The following NOBOX variants were observed in gnomAD, a reference collection of about 807,000 sequenced individuals.
NOBOX encodes the protein NOBOX oogenesis homeobox, also known as homeobox protein NOBOX.
In NOBOX, 46 loss-of-function variants were observed where a neutral mutation model predicts 60.2. That is an observed-to-expected ratio of 0.76 (90% confidence interval 0.60 to 0.98). The LOEUF (loss-of-function observed/expected upper bound fraction) is 0.98, where lower values mean the gene tolerates loss of function less well. Ranked by LOEUF, NOBOX falls within the 50% of genes least tolerant of loss-of-function variation. The pLI is 0.00. For synonymous variants in NOBOX, 360 were observed against 346.3 expected, an observed-to-expected ratio of 1.04 and a Z score of -0.44; for missense variants, 880 against 865.5, an observed-to-expected ratio of 1.02 and a Z score of -0.21.
chr7:144,403,860 G>A (rs1484394125), intron 2 of NOBOX, among the ~76,000 whole-genome samples, 167 bp from the exon 1 acceptor site: 1 of 151,878 alleles, frequency 6.6e-6, no homozygotes, highest in Non-Finnish European at 1.5e-5. Context: ...GGCGAGGCCG[G>A]CCCGGGAGGC....
At position 144,397,261 on chromosome 7, in the gene NOBOX, G is replaced by T. The variant is rs1275325243; in HGVS notation, c.2055C>A (p.Asp685Glu). The stretch of plus-strand genomic sequence containing the variant: ...CCAACTAGGGGACATGGCTATTCTT[G>T]TCATCCCCTCTGGCCTCCTCCAGTG... The change falls in exon 10 of 10, where the codon GAC (aspartate) becomes GAA (glutamate). Residue 685 changes from aspartate (D) to glutamate (E), a missense_variant. By Grantham distance (45) the Asp-to-Glu change is conservative. Transcript: ENST00000467773. 2.0e-6 allele frequency: 3 copies of T among 1,533,354 alleles called. No homozygotes were observed. Among genetic ancestry groups the T allele is most frequent in the Non-Finnish European group, 1.7e-6 (2 of 1,143,864 alleles). 95.0% of individuals were successfully genotyped at this position (1,533,354 alleles called of 1,614,324 possible).
intron 1 of NOBOX, among the ~76,000 whole-genome samples, chr7:144,407,370 G>A (rs1219421944): frequency 6.6e-6 from 1 of 152,196 alleles, no homozygotes; most frequent in East Asian, 1.9e-4. Flanking sequence ...GACCAGAAAG[G>A]CAAGAATAAG....
intron 2 of NOBOX, among the ~76,000 whole-genome samples, chr7:144,402,955 C>A (rs2053953378): frequency 3.3e-5 from 5 of 151,978 alleles, no homozygotes. Flanking sequence ...TGGGGTTTTG[C>A]CATGTTGGCC....
chr7:144,400,111 C>G lies in NOBOX; in HGVS notation c.1046G>C (p.Trp349Ser), dbSNP rs200530938. The G allele has an allele frequency of 5.1e-5, 83 of 1,611,844 alleles. No individual in the cohort carries two copies. Among genetic ancestry groups the G allele is most frequent in the African/African-American group, 6.7e-5 (5 of 74,932 alleles). ...CTGAGGCCTCAATTCAGCTCCTACCCAGGCTACCGCTGAGCGCTCACTCTG... is the reference window on the plus strand; with the variant it reads ...CTGAGGCCTCAATTCAGCTCCTACCGAGGCTACCGCTGAGCGCTCACTCTG... Residue 349 changes from tryptophan to serine, a missense_variant and splice_region_variant, in exon 5 of 10, where the codon TGG (tryptophan) becomes TCG (serine). Physicochemically the swap from Trp to Ser is radical, Grantham distance 177 (BLOSUM62 -3). Coordinates refer to ENST00000467773, the MANE Select transcript of NOBOX (RefSeq NM_001080413.3).
chr7:144,397,409 G>T lies in NOBOX; in HGVS notation c.1907C>A (p.Ala636Asp), dbSNP rs762787878. ...AGCTGACGAAGGCTGCCTGCCCAGA[G>T]CCTGGGGGCAGGGAGTTGGAAATAG... Residue 636 changes from alanine (A) to aspartate (D), a missense_variant, in exon 10 of 10, where the codon GCT becomes GAT. Ala to Asp is a moderately radical substitution (Grantham distance 126). Coordinates refer to ENST00000467773, the MANE Select transcript of NOBOX (RefSeq NM_001080413.3). 2.7e-5 allele frequency: 42 copies of T among 1,537,156 alleles called. No homozygotes were observed. In the African/African-American group the frequency reaches 4.5e-4, roughly 17 times the overall value.
rs888859764 is a variant in NOBOX at position 144,406,245 on chromosome 7, C to T, written c.86-1565G>A. Among the ~76,000 whole-genome samples the T allele has an allele frequency of 9.9e-5, 15 of 152,266 alleles. No homozygotes were observed. The East Asian group carries it at 2.3e-3, about 23-fold the overall frequency. On this transcript the variant is annotated intron_variant, in intron 1 of 9. Transcript: ENST00000467773. ...AGTCTACAATAGATTTGCATAGGGACTTAGAGAATTTAAAATATTGGCATT... is the reference window on the plus strand; with the variant it reads ...AGTCTACAATAGATTTGCATAGGGATTTAGAGAATTTAAAATATTGGCATT...
intron 2 of NOBOX, among the ~76,000 whole-genome samples, chr7:144,404,085 A>G (rs192921493): frequency 1.2e-3 from 181 of 152,192 alleles, no homozygotes; most frequent in African/African-American, 3.5e-3. Flanking sequence ...CCCACACCCT[A>G]TGGAGGACTC....
At chr7:144,407,670 G>A (rs1292177251) in intron 1 of NOBOX, among the ~76,000 whole-genome samples, 1 of 152,238 alleles carries the variant, frequency 6.6e-6, no homozygotes, top group Non-Finnish European at 1.5e-5. Flanking sequence ...CAAAGTATCT[G>A]CCCAGGGGCT....
chr7:144,404,541 G>A (rs1483380492), intron 2 of NOBOX: 4 of 1,607,872 alleles, frequency 2.5e-6, no homozygotes, highest in East Asian at 2.2e-5. Context: ...GAGCCACAGC[G>A]CTCGCCCCCC....
At chr7:144,397,119 G>A, downstream of NOBOX, 9 of 828,956 alleles carry the variant, frequency 1.1e-5, no homozygotes, top group South Asian at 1.6e-4. Flanking sequence ...CAGGGGAAAC[G>A]TCTAACTCTC....
chr7:144,400,382 G>T, intron 4 of NOBOX, 70 bp from the exon 3 acceptor site: 1 of 1,390,920 alleles, frequency 7.2e-7, no homozygotes, highest in East Asian at 2.3e-5. Context: ...AAAGAGAGGT[G>T]CTCACCAAGT....
chr7:144,402,748 A>ATTTTT (rs1218483822), intron 2 of NOBOX, among the ~76,000 whole-genome samples: 7 of 93,418 alleles, frequency 7.5e-5, no homozygotes, highest in Admixed American at 1.4e-4. Context: ...AAGGAATAAC[A>ATTTTT]TTTTTTTTTT....
chr7:144,397,486 G>A lies in NOBOX; in HGVS notation c.1830C>T (p.Phe610=). The change falls in exon 10 of 10, where the codon TTC becomes TTT. Residue 610 remains phenylalanine, a synonymous_variant. Transcript: ENST00000467773. ...GGGGATGCCCCAGAGCTTGTGGGCA[G>A]AACGGACCAGGGAAGGGCAGCTCTG... 6.5e-7 allele frequency: 1 copy of A among 1,537,102 alleles called. No homozygotes were observed. The highest frequency in any genetic ancestry group is 8.7e-7 in the Non-Finnish European group (1 of 1,146,802).
At chr7:144,403,921 T>TG (rs919242511) in intron 2 of NOBOX, among the ~76,000 whole-genome samples, 2 of 151,864 alleles carry the variant, frequency 1.3e-5, no homozygotes, top group Non-Finnish European at 2.9e-5. Flanking sequence ...GGGCGCCGCC[T>TG]GCTCCGCTCC....
At position 144,397,528 on chromosome 7, in the gene NOBOX, C is replaced by A. The variant is rs1395223728; in HGVS notation, c.1788G>T (p.Trp596Cys). The A allele has an allele frequency of 6.5e-7, 1 of 1,528,916 alleles. No homozygotes were observed. The highest frequency in any genetic ancestry group is 8.8e-7 in the Non-Finnish European group (1 of 1,141,536). 94.7% of individuals were successfully genotyped at this position (1,528,916 alleles called of 1,614,324 possible). A position where few individuals can be genotyped will look rare whatever the true frequency, so the allele number is the denominator to read the frequency against. Residue 596 changes from tryptophan to cysteine, a missense_variant, in exon 10 of 10, where the codon TGG (tryptophan) becomes TGT (cysteine). Physicochemically the swap from Trp to Cys is radical, Grantham distance 215. Coordinates refer to ENST00000467773, the MANE Select transcript of NOBOX (RefSeq NM_001080413.3). ...GCAGCTCTGGCAAACAGGGGTCACT[C>A]CAGGAGGCTGTACCTGTGGGGTCGG...
Position 144,401,115 on chromosome 7 carries a change from C to T in NOBOX, c.775G>A (p.Asp259Asn). Residue 259 changes from aspartate (D) to asparagine (N), a missense_variant, in exon 4 of 10, where the codon GAC becomes AAC. Transcript: ENST00000467773. This position sits in a 1 kb window ranked among gnomAD's most constrained non-coding sequence, Gnocchi z 4.2. The stretch of plus-strand genomic sequence containing the variant: ...ACTTCCGGGGGCCCCTGCTTGTGGT[C>T]TCTGTTTTGGTTGCTCTGCGCCAAT... 6.4e-7 allele frequency: 1 copy of T among 1,560,626 alleles called. No individual in the cohort carries two copies. The highest frequency in any genetic ancestry group is 8.7e-7 in the Non-Finnish European group (1 of 1,154,964).
rs1414598817 is a variant in NOBOX, at chr7:144,400,265, C to T, written c.892G>A (p.Asp298Asn). 1 of 1,613,956 alleles carries T rather than the reference C, an allele frequency of 6.2e-7. No homozygotes were observed. The highest frequency in any genetic ancestry group is 8.5e-7 in the Non-Finnish European group (1 of 1,179,924). Reference sequence around the variant, plus strand: ...GCAATCTCTCGGCGTTTATCACTGTCAGGATAGTGGTCTTCTTGGAATATC... The same window carrying T: ...GCAATCTCTCGGCGTTTATCACTGTTAGGATAGTGGTCTTCTTGGAATATC... Residue 298 changes from aspartate (D) to asparagine (N), a missense_variant, in exon 5 of 10, where the codon GAC becomes AAC. Physicochemically the swap from Asp to Asn is conservative, Grantham distance 23. Coordinates refer to ENST00000467773, the MANE Select transcript of NOBOX (RefSeq NM_001080413.3).
At chr7:144,405,939 A>AGTAGGGGCAAGGGATG (rs1400422115) in intron 1 of NOBOX, among the ~76,000 whole-genome samples, 1 of 152,110 alleles carries the variant, frequency 6.6e-6, no homozygotes, top group South Asian at 2.1e-4. Context: ...TGGGGATAGG[A>AGTAGGGGCAAGGGATG]GTAGGGGCAA....
chr7:144,404,046 C>T (rs1035587965), intron 2 of NOBOX, among the ~76,000 whole-genome samples: 3 of 152,040 alleles, frequency 2.0e-5, no homozygotes, highest in Admixed American at 1.3e-4. Context: ...CGGTGGTCTT[C>T]GGGGGGCTGG....
Sources: gnomAD v4.1 joint callset for allele counts (sites outside exome capture counted in the v4.1 genomes callset) on GRCh38, gnomAD v4.1.1 for gene constraint, Gnocchi (gnomAD v3.1) non-coding constraint, MANE v1.5 for transcripts, NCBI Gene and HGNC (gene_info 2026-07-23, HGNC 2026-07-21) for gene names.